Variants in USP42 observed in about 807,000 individuals in gnomAD.
The protein encoded by USP42 is ubiquitin carboxyl-terminal hydrolase 42.
Under a neutral mutation model 113.0 loss-of-function variants are expected in USP42, and 23 were observed. The ratio of observed to expected loss-of-function variants is 0.20; its 90% confidence interval spans 0.15 to 0.29. The LOEUF (loss-of-function observed/expected upper bound fraction) is 0.29, where lower values mean the gene tolerates loss of function less well. Among genes scored for constraint, USP42 ranks in the 10% least tolerant of loss-of-function variants. USP42 has a pLI of 1.00. For missense variants in USP42, 2,174 were observed against 1,779.8 expected, an observed-to-expected ratio of 1.22 and a Z score of -3.99; for synonymous variants, 933 against 699.0, an observed-to-expected ratio of 1.33 and a Z score of -5.28.
At chr7:6,126,763 G>A (rs1394152572) in intron 3 of USP42, among the ~76,000 whole-genome samples, 1 of 152,136 alleles carries the variant, frequency 6.6e-6, no homozygotes, top group Non-Finnish European at 1.5e-5. Context: ...GGGATTGTGA[G>A]TGGAGCTGCG....
At chr7:6,095,592 C>T in the USP42 span, among the ~76,000 whole-genome samples, 1 of 151,036 alleles carries the variant, frequency 6.6e-6, no homozygotes, top group Admixed American at 6.6e-5. Context: ...TCACTTGAAC[C>T]TGGGAGGCGG....
At chr7:6,082,231 C>G in the USP42 span, among the ~76,000 whole-genome samples, 2 of 151,822 alleles carry the variant, frequency 1.3e-5, no homozygotes, top group Admixed American at 1.3e-4. Flanking sequence ...CGGGTTCACG[C>G]CATTCTCCTG....
rs909382983 is a variant in USP42, at chr7:6,157,230, C to T, written c.3943+175C>T. 4.3e-6 allele frequency: 6 copies of T among 1,401,600 alleles called. No individual in the cohort carries two copies. The highest frequency in any genetic ancestry group is 1.6e-5 in the South Asian group (1 of 61,498). 86.8% of individuals were successfully genotyped at this position (1,401,600 alleles called of 1,614,324 possible). A position where few individuals can be genotyped will look rare whatever the true frequency, so the allele number is the denominator to read the frequency against. ...AGTGCTCATCCCTGCAGTGTGGTTC[C>T]GTTGCACAGTTAAGCCCTTAGCGTT... On this transcript the variant is annotated intron_variant, in intron 16 of 17. Transcript: ENST00000306177. This position sits in a 1 kb window ranked among gnomAD's most constrained non-coding sequence, Gnocchi z 4.1.
intron 2 of USP42, among the ~76,000 whole-genome samples, chr7:6,112,827 G>A (rs549913007): frequency 4.6e-5 from 7 of 151,546 alleles, no homozygotes; most frequent in Non-Finnish European, 1.0e-4. Flanking sequence ...GCCCAGGGAA[G>A]CCAAAAGATT....
At chr7:6,095,890 G>C in the USP42 span, among the ~76,000 whole-genome samples, 9 of 150,940 alleles carry the variant, frequency 6.0e-5, no homozygotes, top group South Asian at 1.9e-3. Context: ...AGCCTCCTGA[G>C]TAACTGGGAC....
At chr7:6,132,425 T>G (rs538391494) in intron 3 of USP42, among the ~76,000 whole-genome samples, 93 of 152,044 alleles carry the variant, frequency 6.1e-4, no homozygotes, top group Middle Eastern at 3.4e-3. Context: ...TGTTGCGATC[T>G]CAGCTCACTG....
chr7:6,109,891 A>T (rs1480585926), intron 1 of USP42, among the ~76,000 whole-genome samples: 2 of 147,338 alleles, frequency 1.4e-5, no homozygotes, highest in Admixed American at 6.8e-5. Flanking sequence ...AGTAGAGATG[A>T]GGTTTCACTA....
intron 1 of USP42, among the ~76,000 whole-genome samples, chr7:6,110,179 A>G (rs1779520268): frequency 6.6e-6 from 1 of 152,090 alleles, no homozygotes; most frequent in Admixed American, 6.6e-5. Flanking sequence ...AGATGTGGCT[A>G]CTGTTGGGCG....
At chr7:6,088,573 C>T in the USP42 span, among the ~76,000 whole-genome samples, 1 of 151,260 alleles carries the variant, frequency 6.6e-6, no homozygotes, top group East Asian at 1.9e-4. Flanking sequence ...TCTTATTACT[C>T]TTATTGACAA....
intron 3 of USP42, among the ~76,000 whole-genome samples, chr7:6,128,759 T>C (rs1431419155): frequency 6.6e-6 from 1 of 152,240 alleles, no homozygotes; most frequent in African/African-American, 2.4e-5. Flanking sequence ...CTCTGTGGGT[T>C]ATTTGAATAC....
chr7:6,143,094 G>T, intron 8 of USP42, 80 bp downstream of exon 8: 1 of 1,437,488 alleles, frequency 7.0e-7, no homozygotes, highest in Non-Finnish European at 9.7e-7. Flanking sequence ...AGAGAGTTTG[G>T]TGTGTCTAGG....
rs1782369353 is a variant in USP42 at position 6,155,162 on chromosome 7, A to G, written c.3608A>G (p.Lys1203Arg). 3 of 1,543,846 alleles carry G rather than the reference A, an allele frequency of 1.9e-6. No individual in the cohort carries two copies. In the African/African-American group the frequency reaches 4.2e-5, roughly 21 times the overall value. The change falls in exon 15 of 18, where the codon AAA becomes AGA. Residue 1203 changes from lysine (K) to arginine (R), a missense_variant. Transcript: ENST00000306177. ...KKHKKSKKKK[K>R]SKDKHRDRDS... ...CACAAAAAATCAAAGAAGAAAAAGAAATCCAAAGACAAACACCGAGACCGC... is the reference window on the plus strand; with the variant it reads ...CACAAAAAATCAAAGAAGAAAAAGAGATCCAAAGACAAACACCGAGACCGC...
At chr7:6,122,048 T>C (rs1346696474) in intron 3 of USP42, among the ~76,000 whole-genome samples, 1 of 152,140 alleles carries the variant, frequency 6.6e-6, no homozygotes, top group Non-Finnish European at 1.5e-5. Context: ...TGTTACAGTT[T>C]TCTGTTTCAT....
chr7:6,138,332 A>C (rs1583643480), intron 4 of USP42, among the ~76,000 whole-genome samples: 1 of 152,212 alleles, frequency 6.6e-6, no homozygotes, highest in African/African-American at 2.4e-5. Context: ...GTGCACCTGC[A>C]AATATAATTT....
chr7:6,110,397 A>G (rs981647832), intron 1 of USP42, among the ~76,000 whole-genome samples: 2 of 152,248 alleles, frequency 1.3e-5, no homozygotes, highest in African/African-American at 2.4e-5. Context: ...TGCCCAGTAC[A>G]TAGAAAATGC....
intron 3 of USP42, among the ~76,000 whole-genome samples, chr7:6,117,356 T>A (rs1326413574): frequency 1.3e-5 from 2 of 152,224 alleles, no homozygotes; most frequent in Middle Eastern, 3.2e-3. Context: ...TCAACATTAT[T>A]CCATTTGTGC....
At position 6,158,562 on chromosome 7, in the gene USP42, G is replaced by A. The variant is rs941983179; in HGVS notation, c.3944-888G>A. The stretch of plus-strand genomic sequence containing the variant: ...TCCTTAGAGTGTGTGAGAGAGAGCT[G>A]GGGGTTGCGGGGTGAGCCCCATGGG... On this transcript the variant is annotated intron_variant, in intron 16 of 17. Transcript: ENST00000306177. The surrounding 1 kb of genome is among the most constrained non-coding windows in gnomAD (Gnocchi z 4.2). 1.3e-5 allele frequency among the ~76,000 whole-genome samples: 2 copies of A among 152,216 alleles called. No individual in the cohort carries two copies. The highest frequency in any genetic ancestry group is 4.8e-5 in the African/African-American group (2 of 41,464).
At chr7:6,141,069 T>A (rs1028918850) in intron 7 of USP42, 85 bp downstream of exon 7, 1 of 640,162 alleles carries the variant, frequency 1.6e-6, no homozygotes, top group Non-Finnish European at 2.6e-6. Flanking sequence ...TTAGACTACT[T>A]GTTAGAGAAT....
At chr7:6,143,334 A>G (rs1781531718) in intron 8 of USP42, among the ~76,000 whole-genome samples, 1 of 152,098 alleles carries the variant, frequency 6.6e-6, no homozygotes, top group Admixed American at 6.6e-5. Flanking sequence ...CTGTCTGCCA[A>G]ATAGCATTTT....
Sources: gnomAD v4.1 joint callset for allele counts (sites outside exome capture counted in the v4.1 genomes callset) on GRCh38, gnomAD v4.1.1 for gene constraint, Gnocchi (gnomAD v3.1) non-coding constraint, MANE v1.5 for transcripts, NCBI Gene and HGNC (gene_info 2026-07-23, HGNC 2026-07-21) for gene names.